SNTG1: variants seen among roughly 807,000 people sequenced by gnomAD.
SNTG1 encodes the protein syntrophin gamma 1.
Under a neutral mutation model 74.7 loss-of-function variants are expected in SNTG1, and 39 were observed. The observed-to-expected ratio is 0.52, with a 90% CI of 0.40 to 0.68. SNTG1 has a LOEUF of 0.68. Ranked by LOEUF, SNTG1 falls within the 30% of genes least tolerant of loss-of-function variation. The pLI is 0.00. For missense variants in SNTG1, 685 were observed against 609.5 expected (o/e 1.12, Z -1.30); for synonymous variants, 254 against 217.1 (o/e 1.17, Z -1.49).
intron 17 of SNTG1, among the ~76,000 whole-genome samples, chr8:50,734,947 ACATATATATCTATATATC>A (rs201998508): frequency 0.35 from 45,399 of 129,824 alleles, 10,684 homozygotes; most frequent in African/African-American, 0.59. Flanking sequence ...ATATATATGG[ACATATATATCTATATATC>A]CATATATATC....
chr8:50,515,167 G>A (rs961756913), intron 9 of SNTG1, among the ~76,000 whole-genome samples: 6 of 152,066 alleles, frequency 3.9e-5, no homozygotes, highest in South Asian at 2.1e-4. Flanking sequence ...AGATATTGCC[G>A]GTTTAGATCC....
rs116574425 is a variant in SNTG1, at chr8:50,313,907, A to G, written c.-27-80305A>G. Among the ~76,000 whole-genome samples, 974 of 150,138 alleles carry G rather than the reference A, an allele frequency of 6.5e-3. 83 individuals carry two copies. Among genetic ancestry groups the G allele is most frequent in the African/African-American group, 0.023 (918 of 40,398 alleles). ...AAATACTTCAGTGTGCATATCTGAAATACAAGGATTGTTTTTCTACATAAC... is the reference window on the plus strand; with the variant it reads ...AAATACTTCAGTGTGCATATCTGAAGTACAAGGATTGTTTTTCTACATAAC... On this transcript the variant is annotated intron_variant, in intron 2 of 18. Coordinates refer to ENST00000642720, the MANE Select transcript of SNTG1 (RefSeq NM_018967.5).
At chr8:50,179,635 G>A (rs910206471) in intron 2 of SNTG1, among the ~76,000 whole-genome samples, 5 of 152,008 alleles carry the variant, frequency 3.3e-5, no homozygotes, top group East Asian at 1.9e-4. Context: ...ATGAATAGAC[G>A]TTTTTCGAAG....
At chr8:50,691,097 C>A (rs1175290971) in intron 15 of SNTG1, among the ~76,000 whole-genome samples, 1 of 152,036 alleles carries the variant, frequency 6.6e-6, no homozygotes, top group Non-Finnish European at 1.5e-5. Context: ...TTTCCATTTG[C>A]TTGGTAGATC....
chr8:50,601,960 G>T (rs771413605), intron 13 of SNTG1, among the ~76,000 whole-genome samples: 1 of 151,930 alleles, frequency 6.6e-6, no homozygotes, highest in Non-Finnish European at 1.5e-5. Flanking sequence ...GTTTCAATTA[G>T]CATGGAATAT....
chr8:50,468,185 A>C (rs1203867983), intron 8 of SNTG1, among the ~76,000 whole-genome samples: 1 of 152,038 alleles, frequency 6.6e-6, no homozygotes, highest in Admixed American at 6.6e-5. Flanking sequence ...ATTTTTAAAA[A>C]ACTGCTACCT....
intron 13 of SNTG1, among the ~76,000 whole-genome samples, chr8:50,592,589 G>A (rs529949192): frequency 1.3e-5 from 2 of 152,182 alleles, no homozygotes; most frequent in East Asian, 3.9e-4. Flanking sequence ...ATCACACATA[G>A]AACAAGTAAT....
At chr8:50,464,690 G>T (rs977932335) in intron 8 of SNTG1, among the ~76,000 whole-genome samples, 2 of 151,950 alleles carry the variant, frequency 1.3e-5, no homozygotes, top group African/African-American at 4.8e-5. Context: ...AGTGGGCTGA[G>T]ATCACACCAC....
chr8:50,405,889 T>C (rs2092868620), intron 4 of SNTG1, among the ~76,000 whole-genome samples: 1 of 152,112 alleles, frequency 6.6e-6, no homozygotes, highest in Admixed American at 6.6e-5. Flanking sequence ...GTGCCGTATA[T>C]ATAAGGGGGT....
chr8:50,639,303 G>A (rs1037800105), intron 13 of SNTG1, among the ~76,000 whole-genome samples: 4 of 150,922 alleles, frequency 2.7e-5, no homozygotes, highest in Non-Finnish European at 5.9e-5. Flanking sequence ...TACCAGAATA[G>A]GAAATTGTGA....
At chr8:50,567,581 G>A (rs1223336655) in intron 12 of SNTG1, among the ~76,000 whole-genome samples, 2 of 152,050 alleles carry the variant, frequency 1.3e-5, no homozygotes, top group Non-Finnish European at 2.9e-5. Flanking sequence ...TATCGGTGGA[G>A]TAAACTGTTG....
chr8:50,381,566 G>A (rs2092480233), intron 2 of SNTG1, among the ~76,000 whole-genome samples: 1 of 131,810 alleles, frequency 7.6e-6, no homozygotes, highest in African/African-American at 2.7e-5. Context: ...ATATGTGTGT[G>A]TGTGTGTGTG....
At chr8:49,961,654 C>A (rs1362694373) in intron 1 of SNTG1, among the ~76,000 whole-genome samples, 1 of 152,178 alleles carries the variant, frequency 6.6e-6, no homozygotes, top group Non-Finnish European at 1.5e-5. Context: ...TACATTATTG[C>A]ACGAGAATAT....
chr8:50,628,585 T>C (rs2094973547), intron 13 of SNTG1, among the ~76,000 whole-genome samples: 1 of 152,160 alleles, frequency 6.6e-6, no homozygotes, highest in Non-Finnish European at 1.5e-5. Flanking sequence ...TCTTTGAGTG[T>C]TCATCAGAAT....
intron 1 of SNTG1, among the ~76,000 whole-genome samples, chr8:50,081,542 T>C (rs867404203): frequency 6.6e-6 from 1 of 152,234 alleles, no homozygotes; most frequent in Non-Finnish European, 1.5e-5. Flanking sequence ...TCCTGTGGTG[T>C]CATTTCATGT....
intron 2 of SNTG1, among the ~76,000 whole-genome samples, chr8:50,255,713 G>T (rs59831378): frequency 0.028 from 4,234 of 152,200 alleles, 190 homozygotes; most frequent in African/African-American, 0.092. Flanking sequence ...AACATCATTT[G>T]CATTGAATTA....
Position 50,374,497 on chromosome 8 carries a change from C to T in SNTG1, c.-27-19715C>T, listed in dbSNP as rs114003953. On this transcript the variant is annotated intron_variant, in intron 2 of 18. Coordinates refer to ENST00000642720, the MANE Select transcript of SNTG1 (RefSeq NM_018967.5). Reference sequence around the variant, plus strand: ...TATGGGCAGCTCAACTGTTGTAAGGCGCACAAAAGATCTTCATTTTCTGTC... The same window carrying T: ...TATGGGCAGCTCAACTGTTGTAAGGTGCACAAAAGATCTTCATTTTCTGTC... 9.1e-3 allele frequency among the ~76,000 whole-genome samples: 1,389 copies of T among 152,228 alleles called. 26 individuals carry two copies. The highest frequency in any genetic ancestry group is 0.032 in the African/African-American group (1,308 of 41,522).
Position 50,106,145 on chromosome 8 carries a change from G to A in SNTG1, c.-102-66416G>A, listed in dbSNP as rs1342420314. Among the ~76,000 whole-genome samples the A allele has an allele frequency of 2.6e-5, 4 of 152,100 alleles. No individual in the cohort carries two copies. The East Asian group carries it at 7.7e-4, about 29-fold the overall frequency. On this transcript the variant is annotated intron_variant, in intron 1 of 18. Coordinates refer to ENST00000642720, the MANE Select transcript of SNTG1 (RefSeq NM_018967.5). ...AAGAAAAGAATTTAATTGACTAACA[G>A]TTCTGCAGGCTTAACAGGAAGCATG... is the stretch of plus-strand genomic sequence containing the variant.
chr8:50,289,376 C>T (rs2088964085), intron 2 of SNTG1, among the ~76,000 whole-genome samples: 1 of 152,140 alleles, frequency 6.6e-6, no homozygotes, highest in African/African-American at 2.4e-5. Context: ...CATCAGTGCC[C>T]ATGATTCTTT....
Sources: gnomAD v4.1 joint callset for allele counts (sites outside exome capture counted in the v4.1 genomes callset) on GRCh38, gnomAD v4.1.1 for gene constraint, MANE v1.5 for transcripts, NCBI Gene and HGNC (gene_info 2026-07-23, HGNC 2026-07-21) for gene names.